The following KIF25 variants were observed in gnomAD, a reference collection of about 807,000 sequenced individuals.
The protein encoded by KIF25 is kinesin family member 25.
In KIF25, 19 loss-of-function variants were observed where a neutral mutation model predicts 32.9. The ratio of observed to expected loss-of-function variants is 0.58; its 90% confidence interval spans 0.40 to 0.85. The LOEUF (loss-of-function observed/expected upper bound fraction) is 0.85. KIF25 is among the 40% of genes least tolerant of loss of function. The pLI, the probability that KIF25 is intolerant of heterozygous loss-of-function variation, is 0.00. For synonymous variants in KIF25, 225 were observed against 213.7 expected, an observed-to-expected ratio of 1.05 and a Z score of -0.46; for missense variants, 485 against 507.0, an observed-to-expected ratio of 0.96 and a Z score of 0.42.
chr6:168,016,320 A>G (rs1207983819), intron 4 of KIF25, among the ~76,000 whole-genome samples: 1 of 152,240 alleles, frequency 6.6e-6, no homozygotes, highest in Non-Finnish European at 1.5e-5. Context: ...GTGACTGCCC[A>G]GTAAATACTC....
At chr6:168,015,025 A>G (rs227240) in intron 4 of KIF25, among the ~76,000 whole-genome samples, 139,910 of 152,334 alleles carry the variant, frequency 0.92, 64,398 homozygotes, top group East Asian at 0.98. Flanking sequence ...TGCTTGGCAG[A>G]ACTGATAGAT....
chr6:168,014,275 G>C (rs1334349100), intron 4 of KIF25, among the ~76,000 whole-genome samples: 1 of 152,068 alleles, frequency 6.6e-6, no homozygotes, highest in African/African-American at 2.4e-5. Context: ...CCAGCCCCTG[G>C]GGAAAGCTTA....
In KIF25 at chr6:168,044,986, G is replaced by A. The variant is rs1324594526; in HGVS notation, c.1145G>A (p.Arg382Lys). The change falls in exon 13 of 13, where the codon AGG becomes AAG. Residue 382 changes from arginine to lysine, a missense_variant. Arg to Lys is a conservative substitution (Grantham distance 26). This residue lies in a region of KIF25 where 480 missense variants were observed against 470.3 expected (regional missense o/e 1.02). Coordinates refer to ENST00000643607, the MANE Select transcript of KIF25 (RefSeq NM_030615.4). The stretch of plus-strand genomic sequence containing the variant: ...AGCTCCCAAACGGAGGGGAAGAGGA[G>A]GCCGGATTGAATGCATTAACAAGTT... ...PPSSQTEGKRRPD is the reference protein window; with the variant it reads ...PPSSQTEGKRKPD 1 of 1,592,604 alleles carries A rather than the reference G, an allele frequency of 6.3e-7. No individual in the cohort carries two copies. Among genetic ancestry groups the A allele is most frequent in the Admixed American group, 1.8e-5 (1 of 56,300 alleles).
chr6:168,042,602 T>A lies in KIF25; in HGVS notation c.871T>A (p.Cys291Ser). 6.2e-7 allele frequency: 1 copy of A among 1,614,002 alleles called. No homozygotes were observed. Among genetic ancestry groups the A allele is most frequent in the Non-Finnish European group, 8.5e-7 (1 of 1,180,008 alleles). Residue 291 changes from cysteine to serine, a missense_variant, in exon 12 of 13, where the codon TGC (cysteine) becomes AGC (serine). Physicochemically the swap from Cys to Ser is moderately radical, Grantham distance 112. This residue lies in a region of KIF25 where 480 missense variants were observed against 470.3 expected (regional missense o/e 1.02). Coordinates refer to ENST00000643607, the MANE Select transcript of KIF25 (RefSeq NM_030615.4). ...CGGGTTGGCCCTGAGGGAGATGGCG[T>A]GCATCAGCCGCAGCCTTGCGGCCCT... ...VTGLALREMA[C>S]ISRSLAALAG... is the part of the protein sequence containing the mutation.
intron 5 of KIF25, among the ~76,000 whole-genome samples, chr6:168,019,164 C>T (rs1260318556): frequency 4.6e-5 from 7 of 152,034 alleles, no homozygotes; most frequent in Non-Finnish European, 1.0e-4. Flanking sequence ...ATAATAAAGC[C>T]GAAGAAAAAT....
intron 4 of KIF25, among the ~76,000 whole-genome samples, chr6:168,016,733 A>G (rs1256202799): frequency 6.6e-6 from 1 of 152,242 alleles, no homozygotes; most frequent in Non-Finnish European, 1.5e-5. Flanking sequence ...CTACAGCAAC[A>G]ACATAAAGGA....
intron 5 of KIF25, among the ~76,000 whole-genome samples, chr6:168,019,122 T>G (rs969816562): frequency 1.3e-5 from 2 of 152,080 alleles, no homozygotes; most frequent in Non-Finnish European, 2.9e-5. Context: ...CCTCGAGGGG[T>G]CAAGTTGTTT....
chr6:168,011,941 T>C (rs568872361), intron 4 of KIF25, among the ~76,000 whole-genome samples: 1 of 152,284 alleles, frequency 6.6e-6, no homozygotes, highest in East Asian at 1.9e-4. Flanking sequence ...TTTTCCTTCC[T>C]ATTTGGTCTA....
chr6:168,002,639 A>T lies in KIF25; in HGVS notation c.-273A>T, dbSNP rs913657003. ...GTCCCCAACCTTTTTGGCATCAGGG[A>T]CCAGCTTCCTGGAAGACCAGGTTTC... is the stretch of plus-strand genomic sequence containing the variant. On this transcript the variant is annotated 5_prime_UTR_variant, in exon 3 of 13. Transcript: ENST00000643607. 1.3e-5 allele frequency: 2 copies of T among 152,180 alleles called. No homozygotes were observed. The highest frequency in any genetic ancestry group is 2.9e-5 in the Non-Finnish European group (2 of 68,044). 9.4% of individuals were successfully genotyped at this position (152,180 alleles called of 1,614,324 possible). A position where few individuals can be genotyped will look rare whatever the true frequency, so the allele number is the denominator to read the frequency against.
chr6:168,028,747 T>C (rs899112824), intron 5 of KIF25, among the ~76,000 whole-genome samples: 1 of 152,244 alleles, frequency 6.6e-6, no homozygotes, highest in Admixed American at 6.5e-5. Flanking sequence ...TTTCACTTGT[T>C]TGAGTTTAAT....
At chr6:168,000,826 G>GT (rs1356847896) in intron 2 of KIF25, among the ~76,000 whole-genome samples, 3 of 152,182 alleles carry the variant, frequency 2.0e-5, no homozygotes, top group Admixed American at 1.3e-4. Context: ...TGCTCAGGCT[G>GT]TTTTTCTGGT....
At chr6:168,003,306 C>T (rs1175193769) in intron 3 of KIF25, among the ~76,000 whole-genome samples, 1 of 151,894 alleles carries the variant, frequency 6.6e-6, no homozygotes, top group East Asian at 1.9e-4. Flanking sequence ...GAAAATAATA[C>T]ATAAAAAGTA....
At chr6:168,042,949 G>T (rs75064779) in intron 12 of KIF25, among the ~76,000 whole-genome samples, 13,290 of 152,168 alleles carry the variant, frequency 0.087, 687 homozygotes, top group Middle Eastern at 0.11. Flanking sequence ...CCTGGTTGGG[G>T]CTCAGTTTCT....
intron 5 of KIF25, among the ~76,000 whole-genome samples, chr6:168,018,904 A>G (rs992196262): frequency 2.0e-5 from 3 of 152,250 alleles, no homozygotes; most frequent in African/African-American, 4.8e-5. Context: ...AGCACTGACC[A>G]GCACAGGAGC....
intron 4 of KIF25, among the ~76,000 whole-genome samples, chr6:168,006,717 T>C (rs899027790): frequency 2.0e-5 from 3 of 152,234 alleles, no homozygotes; most frequent in East Asian, 1.9e-4. Context: ...TCTCAGGTCA[T>C]GTAGGACACA....
Position 168,041,985 on chromosome 6 carries a change from T to C in KIF25, c.663T>C (p.Ser221=). ...CCCTTGCAGCAGACCAAGCCTGCAG[T>C]GCCACCCTCCCCAGGGAGCAAACAG... The part of the protein sequence containing the change: ...CSDSTADQAC[S]ATLPREQTEA... The change falls in exon 11 of 13, where the codon AGT becomes AGC. Residue 221 remains serine (S), a synonymous_variant. Transcript: ENST00000643607. 1 of 1,551,730 alleles carries C rather than the reference T, an allele frequency of 6.4e-7. No homozygotes were observed. The highest frequency in any genetic ancestry group is 8.7e-7 in the Non-Finnish European group (1 of 1,147,206).
chr6:168,038,785 C>T (rs775297290), intron 9 of KIF25, 56 bp downstream of exon 9: 167 of 1,560,814 alleles, frequency 1.1e-4, no homozygotes, highest in Non-Finnish European at 1.4e-4. Context: ...GGCACCTGCC[C>T]CTCCCACCTG....
chr6:168,024,680 G>A (rs1436990945), intron 5 of KIF25, among the ~76,000 whole-genome samples: 2 of 152,092 alleles, frequency 1.3e-5, no homozygotes, highest in Admixed American at 6.5e-5. Context: ...TCGGGGCCGG[G>A]CACGGTGGCT....
At chr6:168,040,605 C>G (rs1008780370) in intron 10 of KIF25, among the ~76,000 whole-genome samples, 1 of 151,942 alleles carries the variant, frequency 6.6e-6, no homozygotes, top group Non-Finnish European at 1.5e-5. Context: ...AATCAGCATG[C>G]CTGCAGCATC....
Sources: allele counts gnomAD v4.1 joint callset (sites outside exome capture counted in the v4.1 genomes callset), GRCh38; gene constraint gnomAD v4.1.1; regional missense constraint gnomAD v4.1.1; transcripts MANE v1.5; gene names NCBI Gene and HGNC (gene_info 2026-07-23, HGNC 2026-07-21).